LDAH: variants seen among roughly 807,000 people sequenced by gnomAD.
LDAH encodes lipid droplet-associated hydrolase.
LDAH carries 26 observed loss-of-function variants against 29.6 expected under a neutral mutation model. The observed-to-expected ratio is 0.88, with a 90% CI of 0.64 to 1.22. LDAH has a LOEUF of 1.22. LDAH is among the 50% of genes most tolerant of loss of function. The pLI, the probability that LDAH is intolerant of heterozygous loss-of-function variation, is 0.00. For synonymous variants in LDAH, 117 were observed against 133.0 expected (o/e 0.88, Z 0.83); for missense variants, 344 against 387.3 (o/e 0.89, Z 0.94).
At chr2:20,696,307 G>GGCTA in intron 6 of LDAH, among the ~76,000 whole-genome samples, 1 of 152,294 alleles carries the variant, frequency 6.6e-6, no homozygotes, top group Admixed American at 6.5e-5. Flanking sequence ...GGCTAAGGCA[G>GGCTA]GCTAAGAGGG....
At chr2:20,726,954 T>C (rs1296884779) in intron 5 of LDAH, among the ~76,000 whole-genome samples, 2 of 152,238 alleles carry the variant, frequency 1.3e-5, no homozygotes, top group South Asian at 2.1e-4. Context: ...CCAGAGATTA[T>C]ATCCTAGTAC....
At chr2:20,766,947 G>C (rs1669083799) in intron 4 of LDAH, among the ~76,000 whole-genome samples, 1 of 152,198 alleles carries the variant, frequency 6.6e-6, no homozygotes, top group South Asian at 2.1e-4. Flanking sequence ...TCTGTCCCCA[G>C]GGTCTGCCCT....
At chr2:20,773,254 C>A (rs541825129) in intron 4 of LDAH, among the ~76,000 whole-genome samples, 1 of 151,772 alleles carries the variant, frequency 6.6e-6, no homozygotes, top group African/African-American at 2.4e-5. Flanking sequence ...AATGAGGAAA[C>A]TGAGGTTGAG....
chr2:20,755,890 T>C (rs1425252811), intron 4 of LDAH, among the ~76,000 whole-genome samples: 1 of 152,160 alleles, frequency 6.6e-6, no homozygotes, highest in Non-Finnish European at 1.5e-5. Flanking sequence ...AGAGACTTAA[T>C]GGCTCCAGAA....
chr2:20,710,576 A>C (rs1664642168), intron 5 of LDAH, among the ~76,000 whole-genome samples: 1 of 141,922 alleles, frequency 7.0e-6, no homozygotes, highest in South Asian at 2.2e-4. Context: ...CGGACTATAT[A>C]TATATAGGGG....
chr2:20,787,832 C>T (rs375221550), intron 3 of LDAH, among the ~76,000 whole-genome samples: 10 of 152,094 alleles, frequency 6.6e-5, no homozygotes, highest in South Asian at 2.1e-4. Context: ...CACTTCATCA[C>T]GATATTGACA....
chr2:20,714,571 C>A (rs1157100447), intron 5 of LDAH, among the ~76,000 whole-genome samples: 1 of 152,020 alleles, frequency 6.6e-6, no homozygotes, highest in East Asian at 1.9e-4. Flanking sequence ...AAAAACCCTT[C>A]AAAAAATCAA....
Position 20,758,593 on chromosome 2 carries a change from C to T in LDAH, c.468+16217G>A, listed in dbSNP as rs368168806. Among the ~76,000 whole-genome samples the T allele has an allele frequency of 2.0e-5, 3 of 152,032 alleles. No individual in the cohort carries two copies. The South Asian group carries it at 6.3e-4, about 32-fold the overall frequency. On this transcript the variant is annotated intron_variant, in intron 4 of 6. Coordinates refer to ENST00000237822, the MANE Select transcript of LDAH (RefSeq NM_021925.4). ...GGAAAAATCAAAGAAATATGCAATG[C>T]CTATAATATAGGGTAGAATATAGAA...
chr2:20,806,274 T>C (rs887698622), intron 1 of LDAH, among the ~76,000 whole-genome samples: 2 of 152,200 alleles, frequency 1.3e-5, no homozygotes, highest in African/African-American at 4.8e-5. Flanking sequence ...TAAAACTTCC[T>C]CAAATGCCAA....
At chr2:20,767,157 G>C (rs1669097353) in intron 4 of LDAH, among the ~76,000 whole-genome samples, 1 of 152,198 alleles carries the variant, frequency 6.6e-6, no homozygotes, top group Non-Finnish European at 1.5e-5. Context: ...CAAGTACCTA[G>C]AGCCCCTGCC....
intron 5 of LDAH, among the ~76,000 whole-genome samples, chr2:20,713,572 A>G (rs1165269909): frequency 1.3e-5 from 2 of 152,248 alleles, no homozygotes; most frequent in African/African-American, 2.4e-5. Context: ...AAATGCCCCA[A>G]TTAAAAGACA....
At chr2:20,787,257 A>G (rs1293405816) in intron 3 of LDAH, among the ~76,000 whole-genome samples, 1 of 152,148 alleles carries the variant, frequency 6.6e-6, no homozygotes, top group African/African-American at 2.4e-5. Flanking sequence ...AGGTCTAAGA[A>G]AAATGATTTT....
chr2:20,769,065 C>T (rs1669240308), intron 4 of LDAH, among the ~76,000 whole-genome samples: 1 of 152,170 alleles, frequency 6.6e-6, no homozygotes, highest in Non-Finnish European at 1.5e-5. Context: ...CCCCTCCACG[C>T]ACACTCTGCC....
chr2:20,750,471 A>G (rs1667895431), intron 4 of LDAH, among the ~76,000 whole-genome samples: 1 of 152,208 alleles, frequency 6.6e-6, no homozygotes, highest in Non-Finnish European at 1.5e-5. Context: ...CGGTATCTGA[A>G]TATGCTCTAT....
At chr2:20,699,158 A>G (rs1039113518) in intron 6 of LDAH, among the ~76,000 whole-genome samples, 2 of 152,228 alleles carry the variant, frequency 1.3e-5, no homozygotes, top group Non-Finnish European at 2.9e-5. Context: ...TGATTTTTCA[A>G]CAAAATGTGT....
intron 5 of LDAH, among the ~76,000 whole-genome samples, chr2:20,718,938 G>A (rs1665442343): frequency 6.6e-6 from 1 of 151,916 alleles, no homozygotes; most frequent in Non-Finnish European, 1.5e-5. Flanking sequence ...GAAATTATGA[G>A]AGAAATTTTT....
In LDAH at chr2:20,816,077, T is replaced by C. The variant is rs368468157; in HGVS notation, c.-3+6960A>G. Among the ~76,000 whole-genome samples the C allele has an allele frequency of 5.3e-5, 8 of 152,194 alleles. No individual in the cohort carries two copies. In the East Asian group the frequency reaches 7.7e-4, roughly 15 times the overall value. ...CAATAAAAGTATCCCTTGTGATAAG[T>C]TGTTACATCTATTGTTATACCCAAA... On this transcript the variant is annotated intron_variant, in intron 1 of 6. Coordinates refer to ENST00000237822, the MANE Select transcript of LDAH (RefSeq NM_021925.4).
At chr2:20,759,759 G>A (rs1668553121) in intron 4 of LDAH, among the ~76,000 whole-genome samples, 3 of 152,102 alleles carry the variant, frequency 2.0e-5, no homozygotes. Context: ...TCTGTCCACT[G>A]AGGCTCTATG....
At position 20,734,630 on chromosome 2, in the gene LDAH, T is replaced by C. The variant is rs1049169759; in HGVS notation, c.703+5341A>G. 7.2e-5 allele frequency among the ~76,000 whole-genome samples: 11 copies of C among 152,316 alleles called. 1 individual carries two copies. The highest frequency in any genetic ancestry group is 2.6e-4 in the African/African-American group (11 of 41,584). On this transcript the variant is annotated intron_variant, in intron 5 of 6. Coordinates refer to ENST00000237822, the MANE Select transcript of LDAH (RefSeq NM_021925.4). ...TTTCCTCTGTGTATGTTTAGAACCA[T>C]AAGAGACAGTGCTATAATTTTTGCT... is the stretch of plus-strand genomic sequence containing the variant.
Sources: allele counts gnomAD v4.1 joint callset (sites outside exome capture counted in the v4.1 genomes callset), GRCh38; gene constraint gnomAD v4.1.1; transcripts MANE v1.5; gene names NCBI Gene and HGNC (gene_info 2026-07-23, HGNC 2026-07-21).